The following MLST8 variants were observed in gnomAD, a reference collection of about 807,000 sequenced individuals.
MLST8 encodes target of rapamycin complex subunit LST8.
MLST8 carries 20 observed loss-of-function variants against 41.3 expected under a neutral mutation model. That is an observed-to-expected ratio of 0.48 (90% CI 0.34 to 0.70). The LOEUF is 0.70. Among genes scored for constraint, MLST8 ranks in the 30% least tolerant of loss-of-function variants. The probability of loss-of-function intolerance (pLI) is 0.01; values close to 1 mark genes in which losing one functional copy is unlikely to be tolerated. For synonymous variants in MLST8, 243 were observed against 183.0 expected, an observed-to-expected ratio of 1.33 and a Z score of -2.65; for missense variants, 422 against 454.3, an observed-to-expected ratio of 0.93 and a Z score of 0.65.
In MLST8 at chr16:2,206,700, G is replaced by A. The variant is rs1442983089; in HGVS notation, c.344+41G>A. 1.9e-6 allele frequency: 3 copies of A among 1,601,268 alleles called. No homozygotes were observed. In the East Asian group the frequency reaches 6.7e-5, roughly 36 times the overall value. ...GGCGTGCTGCCCGGGGCTGGGGTGGGCTGCTCTGGGAGACCGTTTTAGGTT... is the reference window on the plus strand; with the variant it reads ...GGCGTGCTGCCCGGGGCTGGGGTGGACTGCTCTGGGAGACCGTTTTAGGTT... On this transcript the variant is annotated intron_variant, in intron 4 of 8. Coordinates refer to ENST00000569417, the MANE Select transcript of MLST8 (RefSeq NM_022372.6).
At position 2,208,842 on chromosome 16, in the gene MLST8, G is replaced by A. The variant is rs375508690; in HGVS notation, c.946G>A (p.Val316Ile). 6.2e-7 allele frequency: 1 copy of A among 1,613,760 alleles called. No individual in the cohort carries two copies. The highest frequency in any genetic ancestry group is 2.2e-5 in the East Asian group (1 of 44,890). Residue 316 changes from valine to isoleucine, a missense_variant, in exon 9 of 9, where the codon GTC becomes ATC. By Grantham distance (29) the Val-to-Ile change is conservative (BLOSUM62 3). Coordinates refer to ENST00000569417, the MANE Select transcript of MLST8 (RefSeq NM_022372.6). The part of the protein sequence containing the change: ...REYGGHQKAV[V>I]CLAFNDSVLG Reference sequence around the variant, plus strand: ...GTATGGCGGCCACCAGAAGGCTGTTGTCTGCCTGGCCTTCAATGACAGTGT... The same window carrying A: ...GTATGGCGGCCACCAGAAGGCTGTTATCTGCCTGGCCTTCAATGACAGTGT...
rs1174713939 is a variant in MLST8, at chr16:2,207,242, T to G, written c.470T>G (p.Leu157Trp). 1 of 1,614,174 alleles carries G rather than the reference T, an allele frequency of 6.2e-7. No individual in the cohort carries two copies. Among genetic ancestry groups the G allele is most frequent in the South Asian group, 1.1e-5 (1 of 91,086 alleles). ...DQSGAIHIWD[L>W]KTDHNEQLIP... ...AGCGGGGCTATCCACATCTGGGACT[T>G]GAAAACAGACCACAACGAGCAGCTG... Residue 157 changes from leucine to tryptophan, a missense_variant, in exon 6 of 9, where the codon TTG becomes TGG. Coordinates refer to ENST00000569417, the MANE Select transcript of MLST8 (RefSeq NM_022372.6).
chr16:2,209,365 G>C lies in MLST8; in HGVS notation c.*488G>C. On this transcript the variant is annotated 3_prime_UTR_variant, in exon 9 of 9. Transcript: ENST00000569417. ...CAGGCTGGGCCAGGTCGGGGGCTCA[G>C]TCTGGGAGGTAATAAAAGCAGACCG... The C allele has an allele frequency of 1.9e-6, 3 of 1,612,294 alleles. No individual in the cohort carries two copies. The highest frequency in any genetic ancestry group is 2.5e-6 in the Non-Finnish European group (3 of 1,178,852).
Position 2,207,393 on chromosome 16 carries a change from C to A in MLST8, c.573+48C>A, listed in dbSNP as rs550132809. On this transcript the variant is annotated intron_variant, in intron 6 of 8. Coordinates refer to ENST00000569417, the MANE Select transcript of MLST8 (RefSeq NM_022372.6). Reference sequence around the variant, plus strand: ...GGGTGCGGGCAGCTTGGCACTCAGCCCTCAGCCTCTGCAGGTGGGCTTATT... The same window carrying A: ...GGGTGCGGGCAGCTTGGCACTCAGCACTCAGCCTCTGCAGGTGGGCTTATT... 5.0e-6 allele frequency: 8 copies of A among 1,594,966 alleles called. No homozygotes were observed. The African/African-American group carries it at 8.0e-5, about 16-fold the overall frequency.
At chr16:2,205,720 C>G (rs1304447699) in intron 1 of MLST8, 5 of 1,004,134 alleles carry the variant, frequency 5.0e-6, no homozygotes, top group African/African-American at 1.7e-5. Context: ...TTTCCCCGGC[C>G]CATCCGCCGC....
rs766071490 is a variant in MLST8, at chr16:2,206,420, T to A, written c.181+11T>A. The A allele has an allele frequency of 1.9e-6, 3 of 1,613,990 alleles. No homozygotes were observed. The South Asian group carries it at 3.3e-5, about 18-fold the overall frequency. ...TGATTGCTGCTGCAGGTATCTGTGA[T>A]CCTTGATCTCTAAACTCCTGAGCTC... On this transcript the variant is annotated intron_variant, in intron 3 of 8. Transcript: ENST00000569417.
Position 2,207,053 on chromosome 16 carries a change from C to G in MLST8, c.363C>G (p.Cys121Trp). Residue 121 changes from cysteine to tryptophan, a missense_variant, in exon 5 of 9, where the codon TGC becomes TGG. Cys to Trp is a radical substitution (Grantham distance 215). Transcript: ENST00000569417. Reference protein sequence around the residue: ...IWDLRSRNLQCQRIFQVNAPI... With the variant: ...IWDLRSRNLQWQRIFQVNAPI... ...CCCGCAGGTCCCGGAACCTGCAGTG[C>G]CAGCGGATCTTCCAGGTGAACGCAC... is the stretch of plus-strand genomic sequence containing the variant. 6.2e-7 allele frequency: 1 copy of G among 1,613,550 alleles called. No individual in the cohort carries two copies. The highest frequency in any genetic ancestry group is 8.5e-7 in the Non-Finnish European group (1 of 1,179,988).
At chr16:2,206,857 C>A in intron 4 of MLST8, 178 bp from the exon 5 acceptor site, 1 of 1,034,222 alleles carries the variant, frequency 9.7e-7, no homozygotes, top group Non-Finnish European at 1.5e-6. Flanking sequence ...GCTTGTTATT[C>A]CCCTTCCACC....
chr16:2,206,424 T>C lies in MLST8; in HGVS notation c.181+15T>C. 5 of 1,614,132 alleles carry C rather than the reference T, an allele frequency of 3.1e-6. No homozygotes were observed. The highest frequency in any genetic ancestry group is 1.1e-5 in the South Asian group (1 of 91,084). On this transcript the variant is annotated intron_variant, in intron 3 of 8. Transcript: ENST00000569417. The stretch of plus-strand genomic sequence containing the variant: ...TGCTGCTGCAGGTATCTGTGATCCT[T>C]GATCTCTAAACTCCTGAGCTCTGGT...
At chr16:2,206,250 G>T in intron 2 of MLST8, 36 bp downstream of exon 2, 1 of 1,601,652 alleles carries the variant, frequency 6.2e-7, no homozygotes. Context: ...GCGGCGCTGG[G>T]GGGATGCCTC....
At chr16:2,205,679 C>G in intron 1 of MLST8, 167 bp downstream of exon 1, 3 of 990,984 alleles carry the variant, frequency 3.0e-6, no homozygotes, top group Non-Finnish European at 3.6e-6. Context: ...TGCCGCTGGC[C>G]TGCTACGCAT....
chr16:2,206,107 G>A lies in MLST8; in HGVS notation c.22G>A (p.Val8Met). The stretch of plus-strand genomic sequence containing the variant: ...CACCATGAACACCTCCCCAGGCACG[G>A]TGGGCAGTGACCCGGTCATCCTGGC... The part of the protein sequence containing the change: MNTSPGT[V>M]GSDPVILATA... Residue 8 changes from valine (V) to methionine (M), a missense_variant, in exon 2 of 9, where the codon GTG (valine) becomes ATG (methionine). Val to Met is a conservative substitution (Grantham distance 21). Coordinates refer to ENST00000569417, the MANE Select transcript of MLST8 (RefSeq NM_022372.6). 6.2e-7 allele frequency: 1 copy of A among 1,607,424 alleles called. No homozygotes were observed.
Position 2,208,780 on chromosome 16 carries a change from G to A in MLST8, c.884G>A (p.Arg295Gln), listed in dbSNP as rs747819184. 22 of 1,613,906 alleles carry A rather than the reference G, an allele frequency of 1.4e-5. No homozygotes were observed. The highest frequency in any genetic ancestry group is 1.7e-5 in the Non-Finnish European group (20 of 1,179,940). The change falls in exon 9 of 9, where the codon CGG becomes CAG. Residue 295 changes from arginine (R) to glutamine (Q), a missense_variant. Transcript: ENST00000569417. ...CCAGCTTCCTCGGACAACCTGGCCC[G>A]GCTCTGGTGTGTGGAGACTGGAGAG... ...IVTASSDNLARLWCVETGEIK... is the reference protein window; with the variant it reads ...IVTASSDNLAQLWCVETGEIK...
chr16:2,207,167 C>A, intron 5 of MLST8, 26 bp from the exon 6 acceptor site: 1 of 1,613,234 alleles, frequency 6.2e-7, no homozygotes, highest in Non-Finnish European at 8.5e-7. Context: ...GGGCTTGGGC[C>A]CTGCCTCACC....
intron 4 of MLST8, 182 bp from the exon 5 acceptor site, chr16:2,206,853 T>A (rs1449832498): frequency 9.7e-7 from 1 of 1,029,796 alleles, no homozygotes; most frequent in Non-Finnish European, 1.5e-6. Context: ...GCCAGCTTGT[T>A]ATTCCCCTTC....
Position 2,209,280 on chromosome 16 carries a change from G to A in MLST8, c.*403G>A. ...CAGGTGGAAGGGTTTATTAGTCCCTGCCAGCAGCTGTCCTCCCTGGTGCAG... is the reference window on the plus strand; with the variant it reads ...CAGGTGGAAGGGTTTATTAGTCCCTACCAGCAGCTGTCCTCCCTGGTGCAG... On this transcript the variant is annotated 3_prime_UTR_variant, in exon 9 of 9. Coordinates refer to ENST00000569417, the MANE Select transcript of MLST8 (RefSeq NM_022372.6). 1 of 1,291,238 alleles carries A rather than the reference G, an allele frequency of 7.7e-7. No individual in the cohort carries two copies. The highest frequency in any genetic ancestry group is 1.1e-6 in the Non-Finnish European group (1 of 909,006). The allele number at this position is 1,291,238 out of a possible 1,614,324, so 80.0% of individuals were successfully genotyped here.
rs1215924401 is a variant in MLST8, at chr16:2,208,967, G to A, written c.*90G>A. The A allele has an allele frequency of 1.4e-6, 2 of 1,420,122 alleles. No individual in the cohort carries two copies. The highest frequency in any genetic ancestry group is 1.4e-5 in the African/African-American group (1 of 71,476). 88.0% of individuals were successfully genotyped at this position (1,420,122 alleles called of 1,614,324 possible). ...GGTCAGAGCAGACCCTCCCCTGCCG[G>A]CCTGCGCCAGCTGGACCTGATGGCC... On this transcript the variant is annotated 3_prime_UTR_variant, in exon 9 of 9. Coordinates refer to ENST00000569417, the MANE Select transcript of MLST8 (RefSeq NM_022372.6).
chr16:2,208,530 T>C lies in MLST8; in HGVS notation c.779T>C (p.Ile260Thr). 1 of 1,613,190 alleles carries C rather than the reference T, an allele frequency of 6.2e-7. No individual in the cohort carries two copies. The change falls in exon 8 of 9, where the codon ATC becomes ACC. Residue 260 changes from isoleucine to threonine, a missense_variant. Physicochemically the swap from Ile to Thr is moderately conservative, Grantham distance 89. Coordinates refer to ENST00000569417, the MANE Select transcript of MLST8 (RefSeq NM_022372.6). ...TTCTCCCTGATGACGGAGCTGAGCATCAAGAGCGGCAACCCCGGGGAGTCC... is the reference window on the plus strand; with the variant it reads ...TTCTCCCTGATGACGGAGCTGAGCACCAAGAGCGGCAACCCCGGGGAGTCC... ...SNFSLMTELS[I>T]KSGNPGESSR...
In MLST8 at chr16:2,207,279, C is replaced by T. The variant is rs751240038; in HGVS notation, c.507C>T (p.Pro169=). The stretch of plus-strand genomic sequence containing the variant: ...ACAACGAGCAGCTGATCCCTGAGCC[C>T]GAGGTCTCCATCACGTCCGCCCACA... ...TDHNEQLIPE[P]EVSITSAHID... Residue 169 remains proline, a synonymous_variant, in exon 6 of 9, where the codon CCC becomes CCT. Transcript: ENST00000569417. The T allele has an allele frequency of 5.6e-6, 9 of 1,614,058 alleles. No individual in the cohort carries two copies. The Admixed American group carries it at 6.7e-5, about 12-fold the overall frequency.
Sources: allele counts gnomAD v4.1 joint callset, GRCh38; gene constraint gnomAD v4.1.1; transcripts MANE v1.5; gene names NCBI Gene and HGNC (gene_info 2026-07-23, HGNC 2026-07-21).